Variants in DNAAF1 observed in about 807,000 individuals in gnomAD.
The protein encoded by DNAAF1 is dynein assembly factor 1, axonemal.
In DNAAF1, 65 loss-of-function variants were observed where a neutral mutation model predicts 71.1. The observed-to-expected ratio is 0.91, with a 90% CI of 0.75 to 1.12. The LOEUF (loss-of-function observed/expected upper bound fraction) is 1.12, where lower values mean the gene tolerates loss of function less well. Ranked by LOEUF, DNAAF1 falls within the 50% of genes most tolerant of loss-of-function variation. The probability of loss-of-function intolerance (pLI) is 0.00; values close to 1 mark genes in which losing one functional copy is unlikely to be tolerated. For synonymous variants in DNAAF1, 414 were observed against 354.6 expected, an observed-to-expected ratio of 1.17 and a Z score of -1.88; for missense variants, 1,178 against 899.8, an observed-to-expected ratio of 1.31 and a Z score of -3.96.
intron 7 of DNAAF1, among the ~76,000 whole-genome samples, chr16:84,166,992 C>T (rs995827201): frequency 6.6e-6 from 1 of 152,166 alleles, no homozygotes; most frequent in African/African-American, 2.4e-5. Flanking sequence ...CATCCTGACA[C>T]TAACCGCACA....
chr16:84,174,464 T>C, intron 9 of DNAAF1: 1 of 1,438,850 alleles, frequency 6.9e-7, no homozygotes, highest in East Asian at 2.5e-5. Context: ...TTTCATTTAT[T>C]AGATCCAGAC....
chr16:84,160,803 T>A (rs139699001), intron 6 of DNAAF1, among the ~76,000 whole-genome samples: 1 of 150,852 alleles, frequency 6.6e-6, no homozygotes, highest in African/African-American at 2.4e-5. Context: ...GGCGTGGTGG[T>A]GGGCGCCTGT....
chr16:84,145,357 C>T lies in DNAAF1; in HGVS notation c.-84C>T, dbSNP rs1312640764. On this transcript the variant is annotated 5_prime_UTR_variant, in exon 1 of 12. Coordinates refer to ENST00000378553, the MANE Select transcript of DNAAF1 (RefSeq NM_178452.6). ...GGCGAAGAAGGAAAGAGGGTACTCT[C>T]TGGCTGGGCTGGGGCCGTAGCGACG... 7 of 1,541,102 alleles carry T rather than the reference C, an allele frequency of 4.5e-6. 1 individual carries two copies. The South Asian group carries it at 7.1e-5, about 16-fold the overall frequency.
intron 3 of DNAAF1, 146 bp downstream of exon 3, chr16:84,150,488 G>A (rs1413041921): frequency 8.2e-6 from 6 of 729,656 alleles, no homozygotes; most frequent in African/African-American, 7.0e-5. Context: ...TATGGAAAAG[G>A]AATAACATTT....
intron 11 of DNAAF1, chr16:84,176,832 AG>A (rs1381225893): frequency 1.1e-5 from 2 of 180,746 alleles, no homozygotes; most frequent in African/African-American, 4.7e-5. Context: ...GGCACCAGGC[AG>A]GGACGGCAGC....
chr16:84,170,452 ACTT>A, intron 8 of DNAAF1, 96 bp downstream of exon 8: 7 of 1,574,768 alleles, frequency 4.4e-6, no homozygotes, highest in Non-Finnish European at 6.1e-6. Flanking sequence ...CCTGAGTTTC[ACTT>A]CTTCTGTATT....
At chr16:84,147,785 G>T (rs965534367) in intron 1 of DNAAF1, among the ~76,000 whole-genome samples, 1 of 152,058 alleles carries the variant, frequency 6.6e-6, no homozygotes, top group Non-Finnish European at 1.5e-5. Context: ...AATAAATAAG[G>T]GTGGGCACGG....
At chr16:84,160,298 C>T (rs1183512421) in intron 6 of DNAAF1, among the ~76,000 whole-genome samples, 1 of 152,102 alleles carries the variant, frequency 6.6e-6, no homozygotes, top group South Asian at 2.1e-4. Flanking sequence ...TATAGTTCCT[C>T]CTTTATGAAT....
At chr16:84,165,476 T>A (rs2087926040) in intron 6 of DNAAF1, among the ~76,000 whole-genome samples, 1 of 152,196 alleles carries the variant, frequency 6.6e-6, no homozygotes, top group Non-Finnish European at 1.5e-5. Context: ...TGAGCCACTG[T>A]GCCCTGCTGG....
At chr16:84,168,855 C>CACA (rs1164525472) in intron 7 of DNAAF1, among the ~76,000 whole-genome samples, 1 of 151,598 alleles carries the variant, frequency 6.6e-6, no homozygotes, top group African/African-American at 2.4e-5. Context: ...CACACACACA[C>CACA]ACTTTGCTTT....
At chr16:84,149,610 G>A (rs1193900279) in intron 2 of DNAAF1, among the ~76,000 whole-genome samples, 2 of 147,232 alleles carry the variant, frequency 1.4e-5, no homozygotes, top group South Asian at 4.3e-4. Flanking sequence ...AGGATCGCTT[G>A]AACCCGGGAG....
At position 84,172,309 on chromosome 16, in the gene DNAAF1, T is replaced by C; in HGVS notation, c.1578T>C (p.Leu526=). The change falls in exon 9 of 12, where the codon CTT becomes CTC. Residue 526 remains leucine (L), a synonymous_variant. Coordinates refer to ENST00000378553, the MANE Select transcript of DNAAF1 (RefSeq NM_178452.6). ...CTGAGGGTGTATTCGTTACAGAACTTGATGGAACGAGAACGGAAGATTTAG... is the reference window on the plus strand; with the variant it reads ...CTGAGGGTGTATTCGTTACAGAACTCGATGGAACGAGAACGGAAGATTTAG... ...VATEGVFVTE[L]DGTRTEDLET... The C allele has an allele frequency of 6.2e-7, 1 of 1,614,200 alleles. No homozygotes were observed. The highest frequency in any genetic ancestry group is 8.5e-7 in the Non-Finnish European group (1 of 1,180,040).
chr16:84,155,327 C>T (rs2087375591), intron 4 of DNAAF1, among the ~76,000 whole-genome samples: 3 of 152,306 alleles, frequency 2.0e-5, no homozygotes, highest in South Asian at 4.1e-4. Flanking sequence ...CTCCTGGTCT[C>T]AAGCGATCCT....
intron 5 of DNAAF1, among the ~76,000 whole-genome samples, chr16:84,158,065 C>T (rs8047216): frequency 0.26 from 40,035 of 151,772 alleles, 5,461 homozygotes; most frequent in East Asian, 0.44. Context: ...ATTAGCCGGG[C>T]GTGGTGGCAT....
At chr16:84,176,422 A>G in intron 11 of DNAAF1, 123 bp downstream of exon 11, 3 of 1,381,194 alleles carry the variant, frequency 2.2e-6, no homozygotes, top group Non-Finnish European at 3.0e-6. Flanking sequence ...GTCACCCAGG[A>G]CAGACCACAC....
At position 84,163,859 on chromosome 16, in the gene DNAAF1, C is replaced by CT. The variant is rs139966225; in HGVS notation, c.864-1910dup. Among the ~76,000 whole-genome samples, 451 of 144,502 alleles carry CT rather than the reference C, an allele frequency of 3.1e-3. 8 individuals carry two copies. The East Asian group carries it at 0.032, about 10-fold the overall frequency. The allele number at this position is 144,502 out of a possible 152,430, so 94.8% of individuals were successfully genotyped here. On this transcript the variant is annotated intron_variant, in intron 6 of 11. Transcript: ENST00000378553. ...TGCTGATTTTTAAAAAATTAATAGACTTTTTTTTTTTTTTGTGGGGGACAG... is the reference window on the plus strand; with the variant it reads ...TGCTGATTTTTAAAAAATTAATAGACTTTTTTTTTTTTTTTGTGGGGGACAG...
chr16:84,163,994 G>A (rs540345905), intron 6 of DNAAF1, among the ~76,000 whole-genome samples: 2 of 151,986 alleles, frequency 1.3e-5, no homozygotes, highest in South Asian at 2.1e-4. Context: ...TTGTAGAGAC[G>A]GGGTCTTGCC....
At chr16:84,156,956 G>T (rs147433854) in intron 5 of DNAAF1, among the ~76,000 whole-genome samples, 1 of 148,204 alleles carries the variant, frequency 6.7e-6, no homozygotes, top group South Asian at 2.2e-4. Flanking sequence ...GGGCTCAAGC[G>T]ATCCTCCCAC....
At chr16:84,161,754 G>C (rs1370936091) in intron 6 of DNAAF1, among the ~76,000 whole-genome samples, 4 of 151,656 alleles carry the variant, frequency 2.6e-5, no homozygotes, top group Non-Finnish European at 5.9e-5. Flanking sequence ...GCAGGTATCT[G>C]CTCATCTGTC....
Sources: gnomAD v4.1 joint callset for allele counts (sites outside exome capture counted in the v4.1 genomes callset) on GRCh38, gnomAD v4.1.1 for gene constraint, MANE v1.5 for transcripts, NCBI Gene and HGNC (gene_info 2026-07-23, HGNC 2026-07-21) for gene names.